The following SLC38A6 variants were observed in gnomAD, a reference collection of about 807,000 sequenced individuals.
The protein encoded by SLC38A6 is N system amino acid transporter NAT-1.
Under a neutral mutation model 65.0 loss-of-function variants are expected in SLC38A6, and 73 were observed. That is an observed-to-expected ratio of 1.12 (90% CI 0.93 to 1.37). The LOEUF (loss-of-function observed/expected upper bound fraction) is 1.37. SLC38A6 is among the 40% of genes most tolerant of loss of function. The probability of loss-of-function intolerance (pLI) is 0.00; values close to 1 mark genes in which losing one functional copy is unlikely to be tolerated. For synonymous variants in SLC38A6, 183 were observed against 178.8 expected, an observed-to-expected ratio of 1.02 and a Z score of -0.19; for missense variants, 561 against 531.1, an observed-to-expected ratio of 1.06 and a Z score of -0.55.
chr14:61,080,158 A>C (rs777828809), intron 16 of SLC38A6, among the ~76,000 whole-genome samples: 10 of 152,346 alleles, frequency 6.6e-5, no homozygotes, highest in Non-Finnish European at 1.5e-4. Context: ...TTAATTTTTT[A>C]AAGAACTATT....
At chr14:61,003,828 A>G (rs938125794) in intron 3 of SLC38A6, among the ~76,000 whole-genome samples, 3 of 152,176 alleles carry the variant, frequency 2.0e-5, no homozygotes, top group African/African-American at 7.2e-5. Context: ...CAACAAAAGA[A>G]GTCTGATGGC....
At chr14:61,032,518 T>A (rs1375914536) in intron 6 of SLC38A6, among the ~76,000 whole-genome samples, 1 of 151,948 alleles carries the variant, frequency 6.6e-6, no homozygotes, top group Non-Finnish European at 1.5e-5. Flanking sequence ...ATTAAAATGT[T>A]ATTTTTACAT....
At chr14:60,986,591 C>T (rs2037467527) in intron 3 of SLC38A6, among the ~76,000 whole-genome samples, 1 of 152,190 alleles carries the variant, frequency 6.6e-6, no homozygotes, top group African/African-American at 2.4e-5. Context: ...CCTAAAGTAA[C>T]AGGTTGTTCA....
chr14:60,994,365 G>A (rs1022153349), intron 3 of SLC38A6, among the ~76,000 whole-genome samples: 1 of 152,010 alleles, frequency 6.6e-6, no homozygotes, highest in African/African-American at 2.4e-5. Context: ...GACCAACATG[G>A]GGAAACCCTG....
At chr14:61,029,423 T>A (rs2139652528) in intron 5 of SLC38A6, among the ~76,000 whole-genome samples, 1 of 152,054 alleles carries the variant, frequency 6.6e-6, no homozygotes, top group African/African-American at 2.4e-5. Flanking sequence ...CCAAACACTC[T>A]TTGTTCTTCA....
rs572341294 is a variant in SLC38A6, at chr14:61,035,719, A to G, written c.483-1340A>G. Among the ~76,000 whole-genome samples the G allele has an allele frequency of 5.9e-5, 9 of 152,296 alleles. No individual in the cohort carries two copies. In the East Asian group the frequency reaches 1.7e-3, roughly 29 times the overall value. On this transcript the variant is annotated intron_variant, in intron 6 of 15. Coordinates refer to ENST00000267488, the MANE Select transcript of SLC38A6 (RefSeq NM_153811.3). ...TCTCATTATTTCTTTAATTAGCACCAGTGATTGGATTTTCTTCATGTGTAT... is the reference window on the plus strand; with the variant it reads ...TCTCATTATTTCTTTAATTAGCACCGGTGATTGGATTTTCTTCATGTGTAT...
chr14:61,005,769 A>G (rs2139418847), intron 3 of SLC38A6, among the ~76,000 whole-genome samples: 1 of 152,364 alleles, frequency 6.6e-6, no homozygotes, highest in South Asian at 2.1e-4. Flanking sequence ...AAGGTAATTT[A>G]TAGATTCAAT....
intron 3 of SLC38A6, among the ~76,000 whole-genome samples, chr14:61,014,333 C>A (rs1421608091): frequency 6.6e-6 from 1 of 152,078 alleles, no homozygotes; most frequent in African/African-American, 2.4e-5. Context: ...GTTCGAACTT[C>A]CTCCTTTAGC....
chr14:61,029,530 T>A (rs1238834941), intron 5 of SLC38A6, among the ~76,000 whole-genome samples: 1 of 152,164 alleles, frequency 6.6e-6, no homozygotes, highest in Non-Finnish European at 1.5e-5. Flanking sequence ...TGACTACAAA[T>A]CTTCTGAGTT....
intron 15 of SLC38A6, among the ~76,000 whole-genome samples, chr14:61,076,727 C>T (rs1043344465): frequency 6.6e-6 from 1 of 152,178 alleles, no homozygotes; most frequent in East Asian, 1.9e-4. Context: ...ATCAGCCAGA[C>T]AGTATTTTGG....
intron 5 of SLC38A6, among the ~76,000 whole-genome samples, chr14:61,025,166 CCATTT>C (rs1292733298): frequency 1.3e-5 from 2 of 152,042 alleles, no homozygotes; most frequent in Non-Finnish European, 2.9e-5. Flanking sequence ...TCGGGTAACC[CCATTT>C]CTAAATCTCA....
intron 5 of SLC38A6, among the ~76,000 whole-genome samples, chr14:61,030,071 A>G (rs2040859574): frequency 6.6e-6 from 1 of 152,208 alleles, no homozygotes; most frequent in Non-Finnish European, 1.5e-5. Context: ...TGTTGTTGCT[A>G]AACTAACCTC....
At chr14:61,011,980 C>T (rs1354868867) in intron 3 of SLC38A6, among the ~76,000 whole-genome samples, 1 of 152,178 alleles carries the variant, frequency 6.6e-6, no homozygotes, top group Non-Finnish European at 1.5e-5. Flanking sequence ...CCTTGTACCT[C>T]TGGTAAAATT....
chr14:60,982,970 A>G (rs1233177921), intron 2 of SLC38A6, among the ~76,000 whole-genome samples: 5 of 152,134 alleles, frequency 3.3e-5, no homozygotes, highest in Non-Finnish European at 4.4e-5. Flanking sequence ...CCAAATAGCA[A>G]TTTTGTGAGT....
intron 15 of SLC38A6, among the ~76,000 whole-genome samples, chr14:61,075,819 G>GTGTT (rs1276390088): frequency 6.8e-6 from 1 of 148,000 alleles, no homozygotes; most frequent in Admixed American, 6.7e-5. Flanking sequence ...GTGTGTGTGT[G>GTGTT]TGTGTGTGTG....
intron 6 of SLC38A6, 120 bp from the exon 7 acceptor site, chr14:61,036,939 C>A: frequency 1.9e-6 from 1 of 519,282 alleles, no homozygotes; most frequent in Non-Finnish European, 3.4e-6. Context: ...TTCCTAATAG[C>A]TGGTTGTAAT....
At chr14:60,995,872 A>G (rs768375202) in intron 3 of SLC38A6, among the ~76,000 whole-genome samples, 2 of 152,214 alleles carry the variant, frequency 1.3e-5, no homozygotes, top group Non-Finnish European at 2.9e-5. Flanking sequence ...GCCAGAGTTT[A>G]GCAGAGGGAG....
At chr14:61,012,444 T>C (rs2039652041) in intron 3 of SLC38A6, among the ~76,000 whole-genome samples, 1 of 152,194 alleles carries the variant, frequency 6.6e-6, no homozygotes, top group African/African-American at 2.4e-5. Flanking sequence ...ATGTGTTTGC[T>C]CTTGCTTCTC....
chr14:61,061,010 C>G (rs796723099), intron 15 of SLC38A6, among the ~76,000 whole-genome samples: 1 of 151,702 alleles, frequency 6.6e-6, no homozygotes, highest in African/African-American at 2.4e-5. Context: ...CACTGGCCTG[C>G]GCCCACTGTC....
Sources: gnomAD v4.1 joint callset for allele counts (sites outside exome capture counted in the v4.1 genomes callset) on GRCh38, gnomAD v4.1.1 for gene constraint, MANE v1.5 for transcripts, NCBI Gene and HGNC (gene_info 2026-07-23, HGNC 2026-07-21) for gene names.